Variants in PLA2G4E observed in about 807,000 individuals in gnomAD.
PLA2G4E encodes the protein phospholipase A2 group IVE.
PLA2G4E carries 84 observed loss-of-function variants against 109.1 expected under a neutral mutation model. The observed-to-expected ratio is 0.77, with a 90% confidence interval of 0.65 to 0.92. The LOEUF is 0.92. PLA2G4E is among the 40% of genes least tolerant of loss of function. The pLI is 0.00. For synonymous variants in PLA2G4E, 469 were observed against 436.1 expected (o/e 1.08, Z -0.94); for missense variants, 1,057 against 1,076.6 (o/e 0.98, Z 0.25).
intron 1 of PLA2G4E, among the ~76,000 whole-genome samples, chr15:42,016,026 G>A (rs1472585188): frequency 6.6e-6 from 1 of 152,078 alleles, no homozygotes; most frequent in Non-Finnish European, 1.5e-5. Flanking sequence ...CCTACCAACC[G>A]AATGTCTGTA....
intron 1 of PLA2G4E, among the ~76,000 whole-genome samples, chr15:42,038,449 G>A (rs1889255809): frequency 6.6e-6 from 1 of 152,240 alleles, no homozygotes; most frequent in Admixed American, 6.5e-5. Context: ...GGGGGTGATG[G>A]GAGACAGTGA....
chr15:41,994,351 C>T (rs1489171758), intron 12 of PLA2G4E, among the ~76,000 whole-genome samples: 4 of 152,152 alleles, frequency 2.6e-5, no homozygotes, highest in Non-Finnish European at 5.9e-5. Flanking sequence ...GGCCCATTCA[C>T]ATCCATTTGC....
chr15:42,000,775 G>T (rs1438873866), intron 7 of PLA2G4E, among the ~76,000 whole-genome samples: 1 of 152,192 alleles, frequency 6.6e-6, no homozygotes, highest in African/African-American at 2.4e-5. Context: ...GACCCTCTGT[G>T]AGCTGTGGTC....
chr15:42,021,528 A>T (rs527569129), intron 1 of PLA2G4E, among the ~76,000 whole-genome samples: 25 of 151,826 alleles, frequency 1.6e-4, no homozygotes, highest in African/African-American at 6.0e-4. Context: ...CAAAGAGACC[A>T]GGGTCAGTGC....
Position 41,983,772 on chromosome 15 carries a change from CT to C in PLA2G4E, c.2588del (p.Lys863ArgfsTer52). The C allele has an allele frequency of 6.3e-7, 1 of 1,596,346 alleles. No individual in the cohort carries two copies. Among genetic ancestry groups the C allele is most frequent in the Non-Finnish European group, 8.5e-7 (1 of 1,171,208 alleles). Reference sequence around the variant, plus strand: ...CTGGGGCCTAGGAGGGACACTGGCCCTTCAGGCGCTTCTTCTTCTCCACTGC... The same window carrying C: ...CTGGGGCCTAGGAGGGACACTGGCCCTCAGGCGCTTCTTCTTCTCCACTGC... On this transcript the variant is annotated frameshift_variant, in exon 20 of 20. Transcript: ENST00000399518. LOFTEE classifies it high-confidence loss of function.
At chr15:41,997,239 C>T (rs184928850) in exon 11 of PLA2G4E, 727 of 1,547,306 alleles carry the variant, frequency 4.7e-4, no homozygotes, top group Middle Eastern at 6.7e-4. Context: ...GAAGCCCAGC[C>T]GCACGTCCAG....
At position 41,988,158 on chromosome 15, in the gene PLA2G4E, T is replaced by C; in HGVS notation, c.1724-2A>G. The C allele has an allele frequency of 6.3e-7, 1 of 1,588,540 alleles. No homozygotes were observed. The highest frequency in any genetic ancestry group is 8.6e-7 in the Non-Finnish European group (1 of 1,166,334). On this transcript the variant is annotated splice_acceptor_variant, in intron 15 of 19. Coordinates refer to ENST00000399518, the Ensembl canonical transcript of PLA2G4E. LOFTEE classifies it high-confidence loss of function. The stretch of plus-strand genomic sequence containing the variant: ...GGGAGAAGATGCTGCTCCACAGGCC[T>C]GGGAGCCAGGGCCAGCGTGAGCAGC...
chr15:41,997,956 C>T (rs1052532166), intron 10 of PLA2G4E: 1 of 152,060 alleles, frequency 6.6e-6, no homozygotes, highest in Non-Finnish European at 1.5e-5. Context: ...GCCTGGCATC[C>T]AAGACCCTGC....
chr15:41,997,493 C>T, intron 10 of PLA2G4E: 1 of 374,650 alleles, frequency 2.7e-6, no homozygotes, highest in East Asian at 4.4e-5. Context: ...CCTTAGCTGG[C>T]ACAATGCGAG....
intron 5 of PLA2G4E, among the ~76,000 whole-genome samples, chr15:42,003,494 T>C (rs905509270): frequency 6.6e-6 from 1 of 152,218 alleles, no homozygotes; most frequent in African/African-American, 2.4e-5. Context: ...ACATGTTTCA[T>C]TTTGCAAGCC....
chr15:41,993,654 G>A (rs527501219), intron 12 of PLA2G4E, among the ~76,000 whole-genome samples: 11 of 152,152 alleles, frequency 7.2e-5, no homozygotes, highest in East Asian at 3.9e-4. Context: ...GCTTTTCTGC[G>A]TCAGGACAGG....
intron 10 of PLA2G4E, 51 bp downstream of exon 10, chr15:41,999,473 A>G: frequency 7.4e-7 from 1 of 1,347,752 alleles, no homozygotes; most frequent in Non-Finnish European, 1.1e-6. Context: ...ACCACTGCAC[A>G]CCCACTGCTA....
chr15:42,028,395 A>ATTTC lies in PLA2G4E; in HGVS notation c.184-14639_184-14638insGAAA, dbSNP rs879764941. 1.2e-3 allele frequency among the ~76,000 whole-genome samples: 172 copies of ATTTC among 141,218 alleles called. 1 individual carries two copies. The South Asian group carries it at 0.02, about 16-fold the overall frequency. The allele number at this position is 141,218 out of a possible 152,430, so 92.6% of individuals were successfully genotyped here. A position where few individuals can be genotyped will look rare whatever the true frequency, so the allele number is the denominator to read the frequency against. On this transcript the variant is annotated intron_variant, in intron 1 of 19. Coordinates refer to ENST00000399518, the Ensembl canonical transcript of PLA2G4E. The stretch of plus-strand genomic sequence containing the variant: ...TATTTATTTATTTACTTATTTATTT[A>ATTTC]TTTATTTATTTATTTATTTATTATT...
chr15:42,004,942 C>T, exon 5 of PLA2G4E: 1 of 1,613,314 alleles, frequency 6.2e-7, no homozygotes, highest in Non-Finnish European at 8.5e-7. Flanking sequence ...ACTCACCTCT[C>T]CTCCAGCAGG....
chr15:42,043,062 A>G (rs547422229), intron 1 of PLA2G4E, among the ~76,000 whole-genome samples: 3 of 152,298 alleles, frequency 2.0e-5, no homozygotes, highest in African/African-American at 7.2e-5. Flanking sequence ...AGAATTATGC[A>G]AGGGGTTCCT....
exon 4 of PLA2G4E, chr15:42,006,114 A>G (rs766774763): frequency 6.2e-7 from 1 of 1,613,748 alleles, no homozygotes; most frequent in East Asian, 2.2e-5. Context: ...ACTCAACTCT[A>G]GCACGTTCTA....
chr15:42,002,796 A>G (rs2068435806), intron 5 of PLA2G4E, 100 bp from the exon 6 acceptor site: 1 of 1,132,590 alleles, frequency 8.8e-7, no homozygotes, highest in African/African-American at 1.6e-5. Context: ...ACAAAATATC[A>G]GAGCCTTCTT....
chr15:41,999,971 G>T, exon 9 of PLA2G4E: 1 of 1,611,012 alleles, frequency 6.2e-7, no homozygotes, highest in African/African-American at 1.3e-5. Context: ...GCTGGCTGAT[G>T]GGGCCCTTCT....
chr15:42,050,493 G>GGA, intron 1 of PLA2G4E: 1 of 1,543,140 alleles, frequency 6.5e-7, no homozygotes, highest in Middle Eastern at 1.7e-4. Context: ...TAAGGGACCA[G>GGA]ACCCCCCTCC....
Sources: allele counts gnomAD v4.1 joint callset (sites outside exome capture counted in the v4.1 genomes callset), GRCh38; gene constraint gnomAD v4.1.1; transcripts MANE v1.5; gene names NCBI Gene and HGNC (gene_info 2026-07-23, HGNC 2026-07-21).